CCDC92: variants seen among roughly 807,000 people sequenced by gnomAD.
CCDC92 encodes coiled-coil domain containing 92, also known as coiled-coil domain-containing protein 92.
In CCDC92, 12 loss-of-function variants were observed where a neutral mutation model predicts 24.9. The ratio of observed to expected loss-of-function variants is 0.48; its 90% CI spans 0.31 to 0.78. The LOEUF (loss-of-function observed/expected upper bound fraction) is 0.78. CCDC92 is among the 30% of genes least tolerant of loss of function. CCDC92 has a pLI of 0.05. For synonymous variants in CCDC92, 193 were observed against 196.3 expected, an observed-to-expected ratio of 0.98 and a Z score of 0.14; for missense variants, 399 against 439.4, an observed-to-expected ratio of 0.91 and a Z score of 0.82.
At position 123,943,429 on chromosome 12, in the gene CCDC92, G is replaced by C; in HGVS notation, c.99C>G (p.Asn33Lys). 1 of 1,614,142 alleles carries C rather than the reference G, an allele frequency of 6.2e-7. No homozygotes were observed. Among genetic ancestry groups the C allele is most frequent in the East Asian group, 2.2e-5 (1 of 44,884 alleles). The part of the protein sequence containing the change: ...LENQLHSAQK[N>K]LLFLQREHAS... ...CATGCTCCCGCTGAAGGAACAGGAG[G>C]TTCTTCTGTGCGCTGTGCAGCTGGT... The change falls in exon 3 of 5, where the codon AAC (asparagine) becomes AAG (lysine). Residue 33 changes from asparagine (N) to lysine (K), a missense_variant. Transcript: ENST00000238156.
chr12:123,941,354 G>A (rs1307262304), intron 4 of CCDC92, among the ~76,000 whole-genome samples: 2 of 152,140 alleles, frequency 1.3e-5, no homozygotes, highest in African/African-American at 2.4e-5. Context: ...AGAAGCCCAC[G>A]GCGCCTTCCC....
At position 123,937,558 on chromosome 12, in the gene CCDC92, T is replaced by C. The variant is rs1566142150; in HGVS notation, c.496A>G (p.Lys166Glu). ...CCGCTGGAGCTCATGAGCTTCTTCT[T>C]GGCGGCGTGCAGCTGGGAGGTCAGG... ...AYLTSQLHAA[K>E]KKLMSSSGTS... Residue 166 changes from lysine (K) to glutamate (E), a missense_variant, in exon 5 of 5, where the codon AAG becomes GAG. Transcript: ENST00000238156. This position sits in a 1 kb window ranked among gnomAD's most constrained non-coding sequence, Gnocchi z 8.4. 2 of 1,612,882 alleles carry C rather than the reference T, an allele frequency of 1.2e-6. No individual in the cohort carries two copies. The highest frequency in any genetic ancestry group is 1.7e-5 in the Admixed American group (1 of 60,016).
At chr12:123,959,175 G>A (rs1385999681) in intron 1 of CCDC92, among the ~76,000 whole-genome samples, 2 of 152,042 alleles carry the variant, frequency 1.3e-5, no homozygotes, top group African/African-American at 4.8e-5. Context: ...AAATGGAAAA[G>A]CAGTATCTAC....
chr12:123,970,863 C>T (rs1956510577), intron 1 of CCDC92, among the ~76,000 whole-genome samples: 1 of 152,114 alleles, frequency 6.6e-6, no homozygotes, highest in African/African-American at 2.4e-5. Context: ...ATTTTATTAA[C>T]GTTAGTATCG....
chr12:123,939,176 C>G (rs1566145105), intron 4 of CCDC92, among the ~76,000 whole-genome samples: 2 of 152,218 alleles, frequency 1.3e-5, no homozygotes, highest in Non-Finnish European at 2.9e-5. Context: ...AACTCCAGAC[C>G]TGCACGCCCA....
chr12:123,937,227 T>C lies in CCDC92; in HGVS notation c.827A>G (p.Gln276Arg), dbSNP rs775158461. 31 of 1,610,042 alleles carry C rather than the reference T, an allele frequency of 1.9e-5. No individual in the cohort carries two copies. In the South Asian group the frequency reaches 3.3e-4, roughly 17 times the overall value. Residue 276 changes from glutamine (Q) to arginine (R), a missense_variant, in exon 5 of 5, where the codon CAG becomes CGG. Gln to Arg is a conservative substitution (Grantham distance 43). Coordinates refer to ENST00000238156, the MANE Select transcript of CCDC92 (RefSeq NM_025140.3). The surrounding 1 kb of genome is among the most constrained non-coding windows in gnomAD (Gnocchi z 8.4). ...CGGCTTTTCGCGGGCCGGGCTGTGC[T>C]GCTCGCCGCTTCGGTCGGAGGCGAT... is the stretch of plus-strand genomic sequence containing the variant. ...PPIASDRSGE[Q>R]HSPAREKPHK... is the part of the protein sequence containing the mutation.
chr12:123,937,510 C>T lies in CCDC92; in HGVS notation c.544G>A (p.Gly182Arg). Residue 182 changes from glycine to arginine, a missense_variant, in exon 5 of 5, where the codon GGG becomes AGG. Transcript: ENST00000238156. This position sits in a 1 kb window ranked among gnomAD's most constrained non-coding sequence, Gnocchi z 8.4. ...TTGTAGCTGGCCAGCACGGGGCTCC[C>T]TGACGGGCTGGCATCTGAGGTCCCG... Reference protein sequence around the residue: ...SSGTSDASPSGSPVLASYKPA... With the variant: ...SSGTSDASPSRSPVLASYKPA... 3.7e-6 allele frequency: 6 copies of T among 1,612,446 alleles called. No homozygotes were observed. Among genetic ancestry groups the T allele is most frequent in the Non-Finnish European group, 5.1e-6 (6 of 1,180,002 alleles).
chr12:123,941,915 TA>T (rs1955696593), intron 4 of CCDC92, among the ~76,000 whole-genome samples: 1 of 152,250 alleles, frequency 6.6e-6, no homozygotes, highest in Non-Finnish European at 1.5e-5. Flanking sequence ...ATGAAGATTA[TA>T]AATGTCCTCG....
Position 123,936,783 on chromosome 12 carries a change from T to C in CCDC92, c.*275A>G. 1.8e-6 allele frequency: 1 copy of C among 565,512 alleles called. No individual in the cohort carries two copies. Among genetic ancestry groups the C allele is most frequent in the Admixed American group, 3.3e-5 (1 of 30,274 alleles). The allele number at this position is 565,512 out of a possible 1,614,324, so 35.0% of individuals were successfully genotyped here. A position where few individuals can be genotyped will look rare whatever the true frequency, so the allele number is the denominator to read the frequency against. On this transcript the variant is annotated 3_prime_UTR_variant, in exon 5 of 5. Coordinates refer to ENST00000238156, the MANE Select transcript of CCDC92 (RefSeq NM_025140.3). ...GTAGTGACGCAGCCGTGGCCTGGGCTTTGCCTGCAGCGCACTTAGGTTACA... is the reference window on the plus strand; with the variant it reads ...GTAGTGACGCAGCCGTGGCCTGGGCCTTGCCTGCAGCGCACTTAGGTTACA...
rs754877186 is a variant in CCDC92 at position 123,937,867 on chromosome 12, A to G, written c.224-37T>C. ...AGCCGAGGAAGCAGGTGAAGAACTC[A>G]TTAGACTGAGGCCGAGTGGTGAGGC... On this transcript the variant is annotated intron_variant, in intron 4 of 4. Transcript: ENST00000238156. The surrounding 1 kb of genome is among the most constrained non-coding windows in gnomAD (Gnocchi z 8.4). 3.8e-6 allele frequency: 6 copies of G among 1,566,426 alleles called. No homozygotes were observed. Among genetic ancestry groups the G allele is most frequent in the Non-Finnish European group, 5.2e-6 (6 of 1,162,910 alleles).
chr12:123,960,747 T>G (rs1956253216), intron 1 of CCDC92: 1 of 152,146 alleles, frequency 6.6e-6, no homozygotes, highest in Non-Finnish European at 1.5e-5. Flanking sequence ...TTTATTAGAG[T>G]CAAAGGACAA....
chr12:123,960,461 A>G (rs1956246286), intron 1 of CCDC92, among the ~76,000 whole-genome samples: 1 of 152,224 alleles, frequency 6.6e-6, no homozygotes, highest in South Asian at 2.1e-4. Flanking sequence ...GACATACAGT[A>G]TCTTCTCTGG....
chr12:123,950,361 G>A (rs1465100053), intron 1 of CCDC92, among the ~76,000 whole-genome samples: 1 of 152,106 alleles, frequency 6.6e-6, no homozygotes, highest in East Asian at 1.9e-4. Flanking sequence ...TCGCACGGAG[G>A]CTGGATCCAC....
rs931726955 is a variant in CCDC92, at chr12:123,937,904, G to A, written c.224-74C>T. ...CCGAGTGGTGAGGCCTATGGGGCAG[G>A]CGGACCTGTCTGGTGGGGGCCCTGT... On this transcript the variant is annotated intron_variant, in intron 4 of 4. Coordinates refer to ENST00000238156, the MANE Select transcript of CCDC92 (RefSeq NM_025140.3). The surrounding 1 kb of genome is among the most constrained non-coding windows in gnomAD (Gnocchi z 8.4). 4 of 1,468,346 alleles carry A rather than the reference G, an allele frequency of 2.7e-6. No homozygotes were observed. Among genetic ancestry groups the A allele is most frequent in the South Asian group, 1.3e-5 (1 of 76,248 alleles). The allele number at this position is 1,468,346 out of a possible 1,614,324, so 91.0% of individuals were successfully genotyped here. A position where few individuals can be genotyped will look rare whatever the true frequency, so the allele number is the denominator to read the frequency against.
rs1172537246 is a variant in CCDC92 at position 123,937,210 on chromosome 12, C to T, written c.844G>A (p.Glu282Lys). 15 of 1,609,230 alleles carry T rather than the reference C, an allele frequency of 9.3e-6. No homozygotes were observed. Among genetic ancestry groups the T allele is most frequent in the Middle Eastern group, 1.6e-4 (1 of 6,076 alleles). The change falls in exon 5 of 5, where the codon GAA becomes AAA. Residue 282 changes from glutamate to lysine, a missense_variant. Coordinates refer to ENST00000238156, the MANE Select transcript of CCDC92 (RefSeq NM_025140.3). This position sits in a 1 kb window ranked among gnomAD's most constrained non-coding sequence, Gnocchi z 8.4. The part of the protein sequence containing the change: ...RSGEQHSPAR[E>K]KPHKAHVGVA... The stretch of plus-strand genomic sequence containing the variant: ...CCGACGTGGGCCTTGTGCGGCTTTT[C>T]GCGGGCCGGGCTGTGCTGCTCGCCG...
intron 1 of CCDC92, among the ~76,000 whole-genome samples, chr12:123,954,394 T>C (rs1377863356): frequency 2.6e-5 from 4 of 152,226 alleles, no homozygotes; most frequent in African/African-American, 9.7e-5. Context: ...TCTTTAGACA[T>C]TGACAGCCAT....
In CCDC92 at chr12:123,937,152, G is replaced by A. The variant is rs775697940; in HGVS notation, c.902C>T (p.Pro301Leu). Reference sequence around the variant, plus strand: ...GGTCTTCACCTCGGGCTGGGCCTGCGGCGGGGTGGCGTGGTGGATCCGATG... The same window carrying A: ...GGTCTTCACCTCGGGCTGGGCCTGCAGCGGGGTGGCGTGGTGGATCCGATG... ...VAHRIHHATP[P>L]QAQPEVKTLA... Residue 301 changes from proline to leucine, a missense_variant, in exon 5 of 5, where the codon CCG becomes CTG. By Grantham distance (98) the Pro-to-Leu change is moderately conservative. Coordinates refer to ENST00000238156, the MANE Select transcript of CCDC92 (RefSeq NM_025140.3). The surrounding 1 kb of genome is among the most constrained non-coding windows in gnomAD (Gnocchi z 8.4). 22 of 1,611,598 alleles carry A rather than the reference G, an allele frequency of 1.4e-5. No individual in the cohort carries two copies. The highest frequency in any genetic ancestry group is 1.6e-4 in the Middle Eastern group (1 of 6,084).
chr12:123,950,961 C>A (rs956061245), intron 1 of CCDC92, among the ~76,000 whole-genome samples: 1 of 152,164 alleles, frequency 6.6e-6, no homozygotes, highest in Admixed American at 6.5e-5. Flanking sequence ...CAGCGGCATC[C>A]CCCTGGGTCC....
chr12:123,942,965 C>T (rs930609889), intron 3 of CCDC92, among the ~76,000 whole-genome samples, 180 bp from the exon 4 acceptor site: 2 of 152,168 alleles, frequency 1.3e-5, no homozygotes, highest in African/African-American at 4.8e-5. Context: ...CACTGTGCTC[C>T]CTGGGGTCAG....
Sources: gnomAD v4.1 joint callset for allele counts (sites outside exome capture counted in the v4.1 genomes callset) on GRCh38, gnomAD v4.1.1 for gene constraint, Gnocchi (gnomAD v3.1) non-coding constraint, MANE v1.5 for transcripts, NCBI Gene and HGNC (gene_info 2026-07-23, HGNC 2026-07-21) for gene names.